Variants in ROR1 observed in about 807,000 individuals in gnomAD.
ROR1 encodes the protein ROR family WNT receptor 1, also known as inactive tyrosine-protein kinase transmembrane receptor ROR1.
Under a neutral mutation model 78.8 loss-of-function variants are expected in ROR1, and 19 were observed. The ratio of observed to expected loss-of-function variants is 0.24; its 90% CI spans 0.17 to 0.35. The LOEUF (loss-of-function observed/expected upper bound fraction) is 0.35. Among genes scored for constraint, ROR1 ranks in the 10% least tolerant of loss-of-function variants. The probability of loss-of-function intolerance (pLI) is 1.00; values close to 1 mark genes in which losing one functional copy is unlikely to be tolerated. For synonymous variants in ROR1, 386 were observed against 433.6 expected (o/e 0.89, Z 1.36); for missense variants, 917 against 1,177.8 (o/e 0.78, Z 3.24).
chr1:64,007,208 AG>A (rs1275942669), intron 1 of ROR1, among the ~76,000 whole-genome samples: 1 of 152,196 alleles, frequency 6.6e-6, no homozygotes, highest in African/African-American at 2.4e-5. Flanking sequence ...CTGTGCTTAA[AG>A]GACTCTACGA....
intron 1 of ROR1, among the ~76,000 whole-genome samples, chr1:63,821,641 T>C (rs1352489142): frequency 6.6e-6 from 1 of 152,240 alleles, no homozygotes; most frequent in Non-Finnish European, 1.5e-5. Flanking sequence ...AGCCAGTTAT[T>C]ACATAAGCTG....
intron 1 of ROR1, among the ~76,000 whole-genome samples, chr1:63,821,824 G>A (rs2772103): frequency 0.025 from 3,800 of 152,250 alleles, 161 homozygotes; most frequent in African/African-American, 0.087. Flanking sequence ...TGGTTCAAGT[G>A]ACTTAAGCCC....
At chr1:64,162,144 G>A (rs1195404291) in intron 8 of ROR1, among the ~76,000 whole-genome samples, 2 of 152,168 alleles carry the variant, frequency 1.3e-5, no homozygotes, top group Non-Finnish European at 2.9e-5. Flanking sequence ...AAGGATAGAA[G>A]CCAGTCTGCC....
chr1:63,881,475 A>G (rs1645323133), intron 1 of ROR1, among the ~76,000 whole-genome samples: 1 of 152,170 alleles, frequency 6.6e-6, no homozygotes, highest in African/African-American at 2.4e-5. Flanking sequence ...CACCAAGACC[A>G]ATCAGGCCAG....
intron 7 of ROR1, among the ~76,000 whole-genome samples, chr1:64,144,841 T>C (rs1318403535): frequency 6.6e-6 from 1 of 152,126 alleles, no homozygotes; most frequent in African/African-American, 2.4e-5. Context: ...GTAAAAGCAG[T>C]TTATTGTAAT....
At chr1:64,049,146 C>T (rs967943463) in intron 2 of ROR1, among the ~76,000 whole-genome samples, 4 of 152,196 alleles carry the variant, frequency 2.6e-5, no homozygotes, top group African/African-American at 9.7e-5. Context: ...CTGTCTGCCT[C>T]TGACCTGGCC....
chr1:64,018,219 G>A (rs1298593247), intron 2 of ROR1, among the ~76,000 whole-genome samples: 1 of 152,102 alleles, frequency 6.6e-6, no homozygotes, highest in Non-Finnish European at 1.5e-5. Context: ...GGACTTAAAA[G>A]GTCTGCTTGG....
At chr1:63,848,749 T>C (rs1220401005) in intron 1 of ROR1, among the ~76,000 whole-genome samples, 2 of 152,180 alleles carry the variant, frequency 1.3e-5, no homozygotes, top group African/African-American at 4.8e-5. Flanking sequence ...TTCTGCTTGA[T>C]TTCATCAAGC....
At chr1:63,857,788 T>G (rs1387623392) in intron 1 of ROR1, among the ~76,000 whole-genome samples, 1 of 152,190 alleles carries the variant, frequency 6.6e-6, no homozygotes, top group Non-Finnish European at 1.5e-5. Context: ...CTGAAGACTG[T>G]CTTGCTCCAT....
intron 1 of ROR1, among the ~76,000 whole-genome samples, chr1:63,859,029 C>T (rs1033900678): frequency 2.8e-4 from 43 of 152,202 alleles, no homozygotes; most frequent in Admixed American, 2.3e-3. Flanking sequence ...TTTTATGGTA[C>T]CTTTGTACAA....
intron 4 of ROR1, among the ~76,000 whole-genome samples, chr1:64,065,026 AG>A (rs1249570821): frequency 2.0e-5 from 3 of 152,140 alleles, no homozygotes; most frequent in African/African-American, 7.2e-5. Context: ...AATTGTGTAG[AG>A]GGGTGCTCTG....
intron 1 of ROR1, among the ~76,000 whole-genome samples, chr1:63,813,254 G>T (rs1014226268): frequency 2.0e-5 from 3 of 152,170 alleles, no homozygotes; most frequent in African/African-American, 7.2e-5. Context: ...GTAAGTTTTA[G>T]GGATTTGTAG....
intron 4 of ROR1, among the ~76,000 whole-genome samples, chr1:64,102,379 C>A (rs961100022): frequency 6.6e-5 from 10 of 151,790 alleles, no homozygotes; most frequent in African/African-American, 2.4e-4. Context: ...CTGGTGTAGA[C>A]AGTGGAAGGG....
At position 64,080,349 on chromosome 1, in the gene ROR1, G is replaced by A. The variant is rs1023620488; in HGVS notation, c.482+29633G>A. On this transcript the variant is annotated intron_variant, in intron 4 of 8. Coordinates refer to ENST00000371079, the MANE Select transcript of ROR1 (RefSeq NM_005012.4). ...AAGCCCTACAGCGCACAGGACAGCC[G>A]CTCTCAACAAAGAATCAGCCAGCCC... is the stretch of plus-strand genomic sequence containing the variant. Among the ~76,000 whole-genome samples the A allele has an allele frequency of 1.4e-4, 22 of 152,148 alleles. 1 individual carries two copies. Among genetic ancestry groups the A allele is most frequent in the Admixed American group, 1.0e-3 (16 of 15,282 alleles).
At chr1:64,032,867 A>C (rs1569585879) in intron 2 of ROR1, among the ~76,000 whole-genome samples, 1 of 152,286 alleles carries the variant, frequency 6.6e-6, no homozygotes, top group African/African-American at 2.4e-5. Context: ...GACTTTTTTT[A>C]AAAAACAATA....
intron 2 of ROR1, among the ~76,000 whole-genome samples, chr1:64,048,569 G>C (rs1646803837): frequency 6.6e-6 from 1 of 151,978 alleles, no homozygotes; most frequent in African/African-American, 2.4e-5. Context: ...ACCAAAGAAA[G>C]CTCCCTACCC....
rs545924328 is a variant in ROR1, at chr1:63,783,773, T to A, written c.91+9265T>A. ...AAAGGTGCACAGCAGAGCAAGAGTA[T>A]ATGGGCTTTAGAAGCAGATTAATCC... On this transcript the variant is annotated intron_variant, in intron 1 of 8. Coordinates refer to ENST00000371079, the MANE Select transcript of ROR1 (RefSeq NM_005012.4). 4.6e-5 allele frequency among the ~76,000 whole-genome samples: 7 copies of A among 152,332 alleles called. No homozygotes were observed. The East Asian group carries it at 1.4e-3, about 29-fold the overall frequency.
At chr1:63,871,303 C>A (rs943218840) in intron 1 of ROR1, among the ~76,000 whole-genome samples, 2 of 152,098 alleles carry the variant, frequency 1.3e-5, no homozygotes, top group Admixed American at 6.6e-5. Context: ...GGGGAAGAAT[C>A]CAGAAGGGGT....
chr1:64,150,268 A>C (rs907569360), intron 7 of ROR1, among the ~76,000 whole-genome samples: 1 of 151,786 alleles, frequency 6.6e-6, no homozygotes, highest in East Asian at 1.9e-4. Flanking sequence ...AAAGTGGTGA[A>C]CCATTTGGCT....
Sources: gnomAD v4.1 joint callset for allele counts (sites outside exome capture counted in the v4.1 genomes callset) on GRCh38, gnomAD v4.1.1 for gene constraint, MANE v1.5 for transcripts, NCBI Gene and HGNC (gene_info 2026-07-23, HGNC 2026-07-21) for gene names.